PTPRD: variants seen among roughly 807,000 people sequenced by gnomAD.
PTPRD encodes receptor-type tyrosine-protein phosphatase delta.
A neutral mutation model predicts 214.5 loss-of-function variants in PTPRD; 34 were observed. The observed-to-expected ratio is 0.16, with a 90% CI of 0.12 to 0.21. PTPRD has a LOEUF of 0.21. Among genes scored for constraint, PTPRD ranks in the 10% least tolerant of loss-of-function variants. The probability of loss-of-function intolerance (pLI) is 1.00; values close to 1 mark genes in which losing one functional copy is unlikely to be tolerated. For synonymous variants in PTPRD, 1,128 were observed against 845.7 expected, an observed-to-expected ratio of 1.33 and a Z score of -5.79; for missense variants, 2,545 against 2,398.7, an observed-to-expected ratio of 1.06 and a Z score of -1.27.
chr9:8,468,749 G>C (rs2096594260), intron 31 of PTPRD, among the ~76,000 whole-genome samples: 1 of 142,682 alleles, frequency 7.0e-6, no homozygotes, highest in Admixed American at 7.2e-5. Context: ...AAACCTGGCA[G>C]TATCAAGCTA....
At chr9:8,789,206 T>C (rs571712947) in intron 11 of PTPRD, among the ~76,000 whole-genome samples, 1 of 152,250 alleles carries the variant, frequency 6.6e-6, no homozygotes. Context: ...ATGCTTCTAC[T>C]AATGAATTGT....
intron 7 of PTPRD, among the ~76,000 whole-genome samples, chr9:9,709,009 T>C (rs2097677542): frequency 6.6e-6 from 1 of 152,000 alleles, no homozygotes; most frequent in Admixed American, 6.6e-5. Flanking sequence ...ACAATAATTA[T>C]ATCTTTTCAA....
intron 5 of PTPRD, among the ~76,000 whole-genome samples, chr9:9,896,405 C>G (rs2074990552): frequency 1.3e-5 from 2 of 151,920 alleles, no homozygotes; most frequent in African/African-American, 4.8e-5. Flanking sequence ...TTCACTAGTG[C>G]AAGGTTTCAA....
intron 9 of PTPRD, among the ~76,000 whole-genome samples, chr9:9,367,605 T>C (rs1459400845): frequency 1.3e-5 from 2 of 151,584 alleles, no homozygotes; most frequent in Non-Finnish European, 3.0e-5. Context: ...ATTGGAAGTT[T>C]GGCATTAAAA....
At chr9:9,518,310 C>T (rs969563123) in intron 8 of PTPRD, among the ~76,000 whole-genome samples, 24 of 151,936 alleles carry the variant, frequency 1.6e-4, no homozygotes, top group Admixed American at 1.5e-3. Flanking sequence ...GTGTTTCTTC[C>T]TAATATAGAA....
chr9:8,797,705 C>A (rs558868304), intron 11 of PTPRD, among the ~76,000 whole-genome samples: 7 of 152,136 alleles, frequency 4.6e-5, no homozygotes, highest in African/African-American at 1.4e-4. Context: ...AAAGCTGAAC[C>A]ATTTATCCCA....
At chr9:10,124,376 C>A (rs1023663273) in intron 3 of PTPRD, among the ~76,000 whole-genome samples, 4 of 152,184 alleles carry the variant, frequency 2.6e-5, no homozygotes, top group Non-Finnish European at 5.9e-5. Context: ...GTAAAGTACA[C>A]TATGCAGCTA....
intron 10 of PTPRD, among the ~76,000 whole-genome samples, chr9:9,122,194 GTTA>G (rs1233424464): frequency 6.6e-6 from 1 of 152,134 alleles, no homozygotes; most frequent in African/African-American, 2.4e-5. Flanking sequence ...TTACAAAAGA[GTTA>G]TTGTTACTCA....
intron 7 of PTPRD, among the ~76,000 whole-genome samples, chr9:9,617,232 C>A (rs2094927794): frequency 6.6e-6 from 1 of 152,086 alleles, no homozygotes; most frequent in Non-Finnish European, 1.5e-5. Context: ...AATGGATAAA[C>A]TGCTGAGTGG....
chr9:8,503,231 G>A (rs1713005041), intron 23 of PTPRD, among the ~76,000 whole-genome samples: 1 of 151,982 alleles, frequency 6.6e-6, no homozygotes, highest in South Asian at 2.1e-4. Context: ...TTGCTTATTT[G>A]TATGGAAGGA....
Position 10,045,196 on chromosome 9 carries a change from A to G in PTPRD, c.-544-11406T>C, listed in dbSNP as rs142408819. ...TATCTATTTTAACTTTTCTTTGGCC[A>G]AAGTAGTATCCCTTTATTAACAGGC... On this transcript the variant is annotated intron_variant, in intron 3 of 45. Coordinates refer to ENST00000381196, the MANE Select transcript of PTPRD (RefSeq NM_002839.4). 3.7e-3 allele frequency among the ~76,000 whole-genome samples: 560 copies of G among 151,912 alleles called. 8 individuals are homozygous for G. Among genetic ancestry groups the G allele is most frequent in the African/African-American group, 0.013 (537 of 41,536 alleles).
At chr9:9,864,734 G>T (rs2063561898) in intron 5 of PTPRD, among the ~76,000 whole-genome samples, 1 of 152,018 alleles carries the variant, frequency 6.6e-6, no homozygotes, top group Non-Finnish European at 1.5e-5. Flanking sequence ...GCCTAGGCTT[G>T]AACTGCTGGG....
At chr9:8,920,681 G>A (rs763957020) in intron 11 of PTPRD, among the ~76,000 whole-genome samples, 2 of 152,200 alleles carry the variant, frequency 1.3e-5, no homozygotes, top group South Asian at 2.1e-4. Flanking sequence ...AATGGGCTGC[G>A]GCCCATGGGC....
intron 11 of PTPRD, among the ~76,000 whole-genome samples, chr9:8,816,032 TA>T (rs1019900647): frequency 1.3e-5 from 2 of 152,156 alleles, no homozygotes; most frequent in African/African-American, 4.8e-5. Context: ...ATGTAAGCCT[TA>T]GGGTTTACAG....
chr9:8,481,029 G>A (rs10977151), intron 30 of PTPRD, among the ~76,000 whole-genome samples: 51,754 of 150,656 alleles, frequency 0.34, 9,180 homozygotes, highest in African/African-American at 0.46. Flanking sequence ...AGTCACAGCC[G>A]CTCGAGAGGC....
At chr9:10,172,671 T>C (rs904428491) in intron 3 of PTPRD, among the ~76,000 whole-genome samples, 1 of 152,166 alleles carries the variant, frequency 6.6e-6, no homozygotes, top group East Asian at 1.9e-4. Flanking sequence ...GAGCACAAAG[T>C]GGCTATGACA....
chr9:8,483,797 AAAACAAAAACAAAC>A (rs757015187), intron 30 of PTPRD, among the ~76,000 whole-genome samples: 98 of 151,370 alleles, frequency 6.5e-4, no homozygotes, highest in Middle Eastern at 3.4e-3. Flanking sequence ...AACAAAAACA[AAAACAAAAACAAAC>A]AAACAAACAA....
chr9:10,347,124 C>T (rs549480881), intron 2 of PTPRD, among the ~76,000 whole-genome samples: 1 of 152,232 alleles, frequency 6.6e-6, no homozygotes, highest in South Asian at 2.1e-4. Flanking sequence ...AGATCTCCAC[C>T]ACACACCCAG....
intron 10 of PTPRD, among the ~76,000 whole-genome samples, chr9:9,134,136 A>G (rs543072652): frequency 8.1e-6 from 1 of 122,980 alleles, no homozygotes; most frequent in Non-Finnish European, 1.6e-5. Flanking sequence ...GCAGTGGCGC[A>G]ATCTCGGCTC....
Sources: allele counts gnomAD v4.1 joint callset (sites outside exome capture counted in the v4.1 genomes callset), GRCh38; gene constraint gnomAD v4.1.1; transcripts MANE v1.5; gene names NCBI Gene and HGNC (gene_info 2026-07-23, HGNC 2026-07-21).